Variants in RALGAPA2 observed in about 807,000 individuals in gnomAD.
RALGAPA2 encodes ral GTPase-activating protein subunit alpha-2.
Under a neutral mutation model 230.4 loss-of-function variants are expected in RALGAPA2, and 139 were observed. The observed-to-expected ratio is 0.60, with a 90% CI of 0.53 to 0.69. The LOEUF (loss-of-function observed/expected upper bound fraction) is 0.69, where lower values mean the gene tolerates loss of function less well. Among genes scored for constraint, RALGAPA2 ranks in the 30% least tolerant of loss-of-function variants. RALGAPA2 has a pLI of 0.00. For missense variants in RALGAPA2, 2,163 were observed against 2,276.0 expected, an observed-to-expected ratio of 0.95 and a Z score of 1.01; for synonymous variants, 847 against 837.8, an observed-to-expected ratio of 1.01 and a Z score of -0.19.
chr20:20,646,693 G>GA (rs895460468), intron 4 of RALGAPA2, among the ~76,000 whole-genome samples: 1 of 151,710 alleles, frequency 6.6e-6, no homozygotes, highest in African/African-American at 2.4e-5. Flanking sequence ...TGTAGATTCT[G>GA]AAAAAAATTT....
At chr20:20,521,403 G>T (rs1296500050) in intron 30 of RALGAPA2, among the ~76,000 whole-genome samples, 1 of 152,076 alleles carries the variant, frequency 6.6e-6, no homozygotes, top group Non-Finnish European at 1.5e-5. Context: ...CAGGTAGAAG[G>T]AACTAATCTG....
At chr20:20,483,981 T>C (rs962213220) in intron 36 of RALGAPA2, among the ~76,000 whole-genome samples, 6 of 152,172 alleles carry the variant, frequency 3.9e-5, no homozygotes, top group African/African-American at 1.4e-4. Flanking sequence ...GTGTCCTGCA[T>C]AAAGGTCAGA....
At chr20:20,645,355 C>G (rs955375566) in intron 4 of RALGAPA2, among the ~76,000 whole-genome samples, 3 of 151,962 alleles carry the variant, frequency 2.0e-5, no homozygotes, top group Non-Finnish European at 4.4e-5. Context: ...CTCAGGCAAT[C>G]CACCCGCCTC....
At chr20:20,553,496 G>T (rs936125841) in intron 23 of RALGAPA2, among the ~76,000 whole-genome samples, 1 of 152,074 alleles carries the variant, frequency 6.6e-6, no homozygotes, top group African/African-American at 2.4e-5. Context: ...AGGCTGCAAT[G>T]AGCTGTAATT....
chr20:20,403,009 C>T (rs528687780), intron 38 of RALGAPA2, among the ~76,000 whole-genome samples: 1 of 152,288 alleles, frequency 6.6e-6, no homozygotes, highest in African/African-American at 2.4e-5. Context: ...CTGCTCTTTC[C>T]TGCCCCTCCT....
At chr20:20,471,748 C>T (rs1216055453) in intron 37 of RALGAPA2, 2 of 152,114 alleles carry the variant, frequency 1.3e-5, no homozygotes, top group Non-Finnish European at 2.9e-5. Flanking sequence ...CAGATGGGAC[C>T]TAATAGCTCT....
chr20:20,694,801 G>A (rs2069048253), intron 1 of RALGAPA2, among the ~76,000 whole-genome samples: 1 of 152,152 alleles, frequency 6.6e-6, no homozygotes, highest in South Asian at 2.1e-4. Context: ...GAGAGAGAAA[G>A]GAATGCACCC....
At chr20:20,482,095 C>T (rs1449890626) in intron 36 of RALGAPA2, among the ~76,000 whole-genome samples, 1 of 152,196 alleles carries the variant, frequency 6.6e-6, no homozygotes, top group Non-Finnish European at 1.5e-5. Context: ...CAGAAGATAG[C>T]TTTTGGGAAA....
chr20:20,663,438 C>T (rs752785446), intron 3 of RALGAPA2, among the ~76,000 whole-genome samples: 1 of 152,150 alleles, frequency 6.6e-6, no homozygotes, highest in African/African-American at 2.4e-5. Flanking sequence ...AAGATTCATT[C>T]TTACTGTAGA....
At chr20:20,492,782 T>C (rs2062097347) in intron 36 of RALGAPA2, among the ~76,000 whole-genome samples, 1 of 152,178 alleles carries the variant, frequency 6.6e-6, no homozygotes. Flanking sequence ...AGACTTACCA[T>C]TGTTTTCTCT....
intron 1 of RALGAPA2, among the ~76,000 whole-genome samples, chr20:20,683,776 A>T (rs996498176): frequency 6.6e-6 from 1 of 152,180 alleles, no homozygotes; most frequent in African/African-American, 2.4e-5. Context: ...ACCGGTTCCC[A>T]CATCTCCTGC....
At position 20,677,628 on chromosome 20, in the gene RALGAPA2, C is replaced by CTTTT. The variant is rs1568741580; in HGVS notation, c.218-1341_218-1340insAAAA. 3.4e-4 allele frequency among the ~76,000 whole-genome samples: 41 copies of CTTTT among 121,836 alleles called. 2 individuals carry two copies. The highest frequency in any genetic ancestry group is 8.1e-4 in the South Asian group (3 of 3,710). The allele number at this position is 121,836 out of a possible 152,430, so 79.9% of individuals were successfully genotyped here. On this transcript the variant is annotated intron_variant, in intron 2 of 39. Coordinates refer to ENST00000202677, the MANE Select transcript of RALGAPA2 (RefSeq NM_020343.4). ...AGCAGCCAAGAATCATGATTTGACC[C>CTTTT]ATTTTTTTTTTTTTTTTTTTTTTTT...
At chr20:20,614,174 C>G (rs538968061) in intron 13 of RALGAPA2, among the ~76,000 whole-genome samples, 24 of 152,300 alleles carry the variant, frequency 1.6e-4, no homozygotes, top group African/African-American at 5.5e-4. Context: ...ATTACAGAAA[C>G]TGCTCACACT....
At chr20:20,485,593 TA>T (rs1569437195) in intron 36 of RALGAPA2, among the ~76,000 whole-genome samples, 1 of 152,246 alleles carries the variant, frequency 6.6e-6, no homozygotes, top group Non-Finnish European at 1.5e-5. Context: ...CGGCATATTA[TA>T]ATTCTTTTAA....
chr20:20,451,210 TTA>T (rs779285566), intron 37 of RALGAPA2, among the ~76,000 whole-genome samples: 1 of 152,160 alleles, frequency 6.6e-6, no homozygotes, highest in Non-Finnish European at 1.5e-5. Context: ...CTTAGAAATT[TTA>T]TATATTTTTG....
intron 4 of RALGAPA2, among the ~76,000 whole-genome samples, chr20:20,649,328 G>A (rs1053036122): frequency 1.3e-5 from 2 of 152,176 alleles, no homozygotes; most frequent in African/African-American, 4.8e-5. Flanking sequence ...AGGACCCAGT[G>A]GGGAGTAGGG....
chr20:20,632,690 A>T (rs1043367187), intron 9 of RALGAPA2, among the ~76,000 whole-genome samples: 6 of 152,212 alleles, frequency 3.9e-5, no homozygotes, highest in Admixed American at 1.3e-4. Context: ...CTGCCTGATA[A>T]GTGAATAAAG....
chr20:20,448,842 C>T (rs941265032), intron 37 of RALGAPA2, among the ~76,000 whole-genome samples: 9 of 148,732 alleles, frequency 6.1e-5, no homozygotes, highest in South Asian at 2.2e-4. Flanking sequence ...ACTCAAAAAG[C>T]GACCTGACTT....
chr20:20,664,490 G>A (rs1299155997), intron 3 of RALGAPA2, among the ~76,000 whole-genome samples: 2 of 152,012 alleles, frequency 1.3e-5, no homozygotes, highest in African/African-American at 2.4e-5. Flanking sequence ...GTTTTGCCCC[G>A]AATAAAGCAT....
Sources: allele counts gnomAD v4.1 joint callset (sites outside exome capture counted in the v4.1 genomes callset), GRCh38; gene constraint gnomAD v4.1.1; transcripts MANE v1.5; gene names NCBI Gene and HGNC (gene_info 2026-07-23, HGNC 2026-07-21).